SLC35F4: variants seen among roughly 807,000 people sequenced by gnomAD.
The protein encoded by SLC35F4 is chromosome 14 open reading frame 36.
Under a neutral mutation model 44.2 loss-of-function variants are expected in SLC35F4, and 24 were observed. The ratio of observed to expected loss-of-function variants is 0.54; its 90% CI spans 0.39 to 0.76. The LOEUF is 0.76. Ranked by LOEUF, SLC35F4 falls within the 30% of genes least tolerant of loss-of-function variation. The pLI, the probability that SLC35F4 is intolerant of heterozygous loss-of-function variation, is 0.00. For synonymous variants in SLC35F4, 238 were observed against 223.6 expected (o/e 1.06, Z -0.57); for missense variants, 562 against 586.1 (o/e 0.96, Z 0.42).
At chr14:57,686,905 A>C (rs1038966523) in intron 1 of SLC35F4, among the ~76,000 whole-genome samples, 8 of 152,180 alleles carry the variant, frequency 5.3e-5, no homozygotes, top group African/African-American at 1.9e-4. Flanking sequence ...CCTAACTCTC[A>C]GAACCTCAGA....
intron 1 of SLC35F4, among the ~76,000 whole-genome samples, chr14:57,970,418 G>A (rs1881018819): frequency 6.6e-6 from 1 of 152,168 alleles, no homozygotes; most frequent in African/African-American, 2.4e-5. Flanking sequence ...ATTCTAGGGT[G>A]TGCTCTCTGC....
intron 1 of SLC35F4, among the ~76,000 whole-genome samples, chr14:57,773,552 C>T (rs2077418232): frequency 6.6e-6 from 1 of 152,102 alleles, no homozygotes; most frequent in Non-Finnish European, 1.5e-5. Context: ...GGAAAATTAG[C>T]CTACTATATT....
chr14:57,737,143 G>A (rs1022763732), intron 1 of SLC35F4, among the ~76,000 whole-genome samples: 2 of 151,236 alleles, frequency 1.3e-5, no homozygotes, highest in South Asian at 4.2e-4. Flanking sequence ...TGTGTGTTAG[G>A]AGAGAGAGAA....
At chr14:57,663,875 C>T (rs2074220044) in intron 1 of SLC35F4, among the ~76,000 whole-genome samples, 1 of 152,136 alleles carries the variant, frequency 6.6e-6, no homozygotes, top group Admixed American at 6.5e-5. Flanking sequence ...TGGCAGTTCA[C>T]AGGTGCTACA....
chr14:57,700,847 A>C (rs938282366), intron 1 of SLC35F4, among the ~76,000 whole-genome samples: 3 of 152,168 alleles, frequency 2.0e-5, no homozygotes, highest in Non-Finnish European at 2.9e-5. Context: ...CAGGTGCTGC[A>C]GTGAGCCAAG....
chr14:57,953,996 A>C (rs1396471498), intron 1 of SLC35F4, among the ~76,000 whole-genome samples: 1 of 152,204 alleles, frequency 6.6e-6, no homozygotes, highest in Non-Finnish European at 1.5e-5. Context: ...ACCACACTGC[A>C]CTTATTCTAA....
chr14:57,569,233 T>C (rs1246610929), intron 6 of SLC35F4, among the ~76,000 whole-genome samples: 1 of 152,216 alleles, frequency 6.6e-6, no homozygotes, highest in Non-Finnish European at 1.5e-5. Context: ...CTGTTTCATA[T>C]GCAGATATGA....
chr14:57,746,703 T>C (rs2076763419), intron 1 of SLC35F4, among the ~76,000 whole-genome samples: 2 of 152,276 alleles, frequency 1.3e-5, no homozygotes, highest in South Asian at 4.1e-4. Flanking sequence ...GTATTTGTGG[T>C]ATGTGTGTGG....
chr14:57,624,626 C>A (rs2072376916), intron 1 of SLC35F4, among the ~76,000 whole-genome samples: 1 of 152,154 alleles, frequency 6.6e-6, no homozygotes. Context: ...CGGCTTCATC[C>A]CTGGGATGCA....
intron 1 of SLC35F4, among the ~76,000 whole-genome samples, chr14:57,681,057 T>TA (rs80064273): frequency 0.45 from 68,222 of 151,876 alleles, 15,700 homozygotes; most frequent in African/African-American, 0.54. Flanking sequence ...AGAGCCCATA[T>TA]AGCCAAGACA....
chr14:57,819,680 G>A lies in SLC35F4; in HGVS notation c.103+46043C>T, dbSNP rs541691590. Among the ~76,000 whole-genome samples, 7 of 151,850 alleles carry A rather than the reference G, an allele frequency of 4.6e-5. No homozygotes were observed. In the South Asian group the frequency reaches 6.2e-4, roughly 14 times the overall value. The stretch of plus-strand genomic sequence containing the variant: ...ATACAAAAATTAGCCAGGCATGGTG[G>A]TGTGCGTCTGTATTCCCAGCTACTC... On this transcript the variant is annotated intron_variant, in intron 1 of 7. Coordinates refer to ENST00000556826, the MANE Select transcript of SLC35F4 (RefSeq NM_001306087.2).
chr14:57,853,737 C>T (rs1397582911), intron 1 of SLC35F4, among the ~76,000 whole-genome samples: 1 of 152,130 alleles, frequency 6.6e-6, no homozygotes, highest in African/African-American at 2.4e-5. Flanking sequence ...AAGCAAGAGA[C>T]AAGAATGGGG....
upstream of SLC35F4, among the ~76,000 whole-genome samples, chr14:57,982,833 A>G (rs1050315595): frequency 6.6e-6 from 1 of 152,176 alleles, no homozygotes; most frequent in Non-Finnish European, 1.5e-5. Flanking sequence ...AAGTCACCAC[A>G]TTGAGTACCA....
At chr14:57,729,170 C>T (rs10137014) in intron 1 of SLC35F4, among the ~76,000 whole-genome samples, 60,980 of 151,926 alleles carry the variant, frequency 0.4, 12,244 homozygotes, top group Middle Eastern at 0.43. Flanking sequence ...TTCTATAACC[C>T]TCTTGTACTT....
intron 1 of SLC35F4, among the ~76,000 whole-genome samples, chr14:57,754,165 G>A (rs1196434123): frequency 2.1e-5 from 3 of 146,132 alleles, no homozygotes; most frequent in Admixed American, 7.0e-5. Flanking sequence ...TGCAGTGTGC[G>A]TGATCTCGGC....
At chr14:57,794,952 G>C (rs758099208) in intron 1 of SLC35F4, among the ~76,000 whole-genome samples, 13 of 152,016 alleles carry the variant, frequency 8.6e-5, no homozygotes, top group Non-Finnish European at 1.9e-4. Context: ...TCAGAAGATG[G>C]GTTTTGAATT....
At chr14:57,884,301 T>G (rs1480851923) in intron 1 of SLC35F4, among the ~76,000 whole-genome samples, 1 of 152,160 alleles carries the variant, frequency 6.6e-6, no homozygotes, top group Non-Finnish European at 1.5e-5. Context: ...CACCTTTAAT[T>G]TAATTTAATC....
intron 3 of SLC35F4, among the ~76,000 whole-genome samples, chr14:57,584,958 A>G (rs1342267823): frequency 6.6e-6 from 1 of 152,196 alleles, no homozygotes; most frequent in Non-Finnish European, 1.5e-5. Context: ...TCCCCTATAA[A>G]TACTGTTTAA....
intron 1 of SLC35F4, among the ~76,000 whole-genome samples, chr14:57,804,366 T>C (rs1041656178): frequency 1.3e-5 from 2 of 152,072 alleles, no homozygotes; most frequent in Admixed American, 6.5e-5. Flanking sequence ...CCCAACTTTA[T>C]ACTATACTAC....
Sources: gnomAD v4.1 joint callset for allele counts (sites outside exome capture counted in the v4.1 genomes callset) on GRCh38, gnomAD v4.1.1 for gene constraint, MANE v1.5 for transcripts, NCBI Gene and HGNC (gene_info 2026-07-23, HGNC 2026-07-21) for gene names.